Variants in RBFOX1 observed in about 807,000 individuals in gnomAD.
RBFOX1 encodes RNA binding fox-1 homolog 1.
RBFOX1 carries 8 observed loss-of-function variants against 57.7 expected under a neutral mutation model. That is an observed-to-expected ratio of 0.14 (90% CI 0.08 to 0.25). RBFOX1 has a LOEUF of 0.25. Ranked by LOEUF, RBFOX1 falls within the 10% of genes least tolerant of loss-of-function variation. The pLI, the probability that RBFOX1 is intolerant of heterozygous loss-of-function variation, is 1.00. For missense variants in RBFOX1, 611 were observed against 548.5 expected, an observed-to-expected ratio of 1.11 and a Z score of -1.14; for synonymous variants, 326 against 222.4, an observed-to-expected ratio of 1.47 and a Z score of -4.15.
intron 3 of RBFOX1, among the ~76,000 whole-genome samples, chr16:6,820,206 C>G (rs777623174): frequency 6.6e-6 from 1 of 152,192 alleles, no homozygotes; most frequent in Non-Finnish European, 1.5e-5. Flanking sequence ...GATTGTGAGG[C>G]CTCCCCAGCC....
chr16:5,924,005 G>C (rs2058890878), intron 4 of RBFOX1, among the ~76,000 whole-genome samples: 1 of 152,156 alleles, frequency 6.6e-6, no homozygotes. Context: ...CAATGTGGAG[G>C]TAATTGGCTC....
At position 6,457,899 on chromosome 16, in the gene RBFOX1, G is replaced by A. The variant is rs988143544; in HGVS notation, c.-64+140842G>A. 6.6e-5 allele frequency among the ~76,000 whole-genome samples: 10 copies of A among 152,240 alleles called. No homozygotes were observed. In the East Asian group the frequency reaches 1.9e-3, roughly 29 times the overall value. ...GCAATTCAGTTTACAGATAGTTCTG[G>A]GGCAAAGTGAGAAGAAGCCCAGTGT... On this transcript the variant is annotated intron_variant, in intron 2 of 15. Transcript: ENST00000550418.
At chr16:6,303,330 A>G (rs932772602) in intron 1 of RBFOX1, among the ~76,000 whole-genome samples, 3 of 142,384 alleles carry the variant, frequency 2.1e-5, no homozygotes, top group South Asian at 2.3e-4. Context: ...TACGTATTAA[A>G]TAGATTTTTT....
intron 3 of RBFOX1, among the ~76,000 whole-genome samples, chr16:6,823,437 A>G (rs1417003979): frequency 1.3e-5 from 2 of 151,860 alleles, no homozygotes; most frequent in Non-Finnish European, 2.9e-5. Context: ...TTGTATTTTT[A>G]ATAGAGATGG....
intron 4 of RBFOX1, among the ~76,000 whole-genome samples, chr16:7,397,488 C>T (rs760608752): frequency 9.2e-5 from 14 of 152,246 alleles, no homozygotes; most frequent in Non-Finnish European, 1.8e-4. Flanking sequence ...CATAGATCCA[C>T]ATAAAAATGA....
intron 3 of RBFOX1, among the ~76,000 whole-genome samples, chr16:6,702,002 A>G (rs539763100): frequency 1.3e-5 from 2 of 152,260 alleles, no homozygotes; most frequent in South Asian, 4.1e-4. Flanking sequence ...TACTATGCTT[A>G]TTACCTGGGT....
At chr16:6,755,669 C>T (rs567560180) in intron 3 of RBFOX1, among the ~76,000 whole-genome samples, 2 of 152,116 alleles carry the variant, frequency 1.3e-5, no homozygotes, top group African/African-American at 2.4e-5. Context: ...AACTTTTAAT[C>T]ACTTTGCTAT....
intron 4 of RBFOX1, among the ~76,000 whole-genome samples, chr16:7,304,005 T>A (rs1001441400): frequency 6.6e-6 from 1 of 150,936 alleles, no homozygotes; most frequent in African/African-American, 2.4e-5. Context: ...TTCCGGGGGA[T>A]CAAAAAGCAG....
At chr16:6,609,748 G>A (rs1279519164) in intron 2 of RBFOX1, among the ~76,000 whole-genome samples, 2 of 152,066 alleles carry the variant, frequency 1.3e-5, no homozygotes, top group East Asian at 3.9e-4. Context: ...GGTGAATCAG[G>A]CCTGTAATGC....
At chr16:6,866,541 A>ATTTTTTTTTTT (rs56678526) in intron 3 of RBFOX1, among the ~76,000 whole-genome samples, 7,067 of 78,576 alleles carry the variant, frequency 0.09, 1,453 homozygotes, top group East Asian at 0.22. Flanking sequence ...CTTTCCTTCT[A>ATTTTTTTTTTT]TTTTTTTTTT....
At chr16:5,982,019 T>C (rs12927148) in intron 4 of RBFOX1, among the ~76,000 whole-genome samples, 40,725 of 152,104 alleles carry the variant, frequency 0.27, 5,737 homozygotes, top group South Asian at 0.32. Context: ...AAGGAGTCTA[T>C]GCAGATTGAG....
At chr16:7,491,555 A>G (rs1250909889) in intron 4 of RBFOX1, among the ~76,000 whole-genome samples, 1 of 151,606 alleles carries the variant, frequency 6.6e-6, no homozygotes, top group Non-Finnish European at 1.5e-5. Flanking sequence ...GAGTCAAGGC[A>G]ATCTTTTGAA....
At chr16:5,856,220 T>TATATATACAC (rs2057043947) in intron 3 of RBFOX1, among the ~76,000 whole-genome samples, 1 of 31,306 alleles carries the variant, frequency 3.2e-5, no homozygotes, top group Non-Finnish European at 7.4e-5. Flanking sequence ...TATATATGTA[T>TATATATACAC]ATATATATGT....
intron 4 of RBFOX1, among the ~76,000 whole-genome samples, chr16:7,451,226 T>C (rs923113642): frequency 1.3e-5 from 2 of 152,216 alleles, no homozygotes; most frequent in Admixed American, 6.5e-5. Flanking sequence ...GGACCTGATA[T>C]AATCATATAA....
In RBFOX1 at chr16:7,698,216, A is replaced by G. The variant is rs373428085; in HGVS notation, c.996-10840A>G. On this transcript the variant is annotated intron_variant, in intron 14 of 15. Transcript: ENST00000550418. ...TGTGTGTGTGTGTGTGTGTGTGTGTATAAAGGGGGTAGGTGGAGGCTGGGA... is the reference window on the plus strand; with the variant it reads ...TGTGTGTGTGTGTGTGTGTGTGTGTGTAAAGGGGGTAGGTGGAGGCTGGGA... 4.9e-4 allele frequency among the ~76,000 whole-genome samples: 56 copies of G among 115,156 alleles called. 2 individuals carry two copies. The highest frequency in any genetic ancestry group is 2.8e-4 in the South Asian group (1 of 3,576). 75.5% of individuals were successfully genotyped at this position (115,156 alleles called of 152,430 possible). A position where few individuals can be genotyped will look rare whatever the true frequency, so the allele number is the denominator to read the frequency against.
intron 3 of RBFOX1, among the ~76,000 whole-genome samples, chr16:5,797,601 C>T (rs917869461): frequency 1.3e-5 from 2 of 152,200 alleles, no homozygotes; most frequent in African/African-American, 2.4e-5. Context: ...GACAATCCTA[C>T]ATCCAGTTAA....
intron 1 of RBFOX1, among the ~76,000 whole-genome samples, chr16:6,103,217 G>C (rs372300892): frequency 6.6e-6 from 1 of 152,174 alleles, no homozygotes; most frequent in Admixed American, 6.5e-5. Context: ...CTTGGGGTCT[G>C]AACCCTGTGG....
At chr16:6,810,131 A>G (rs1248977190) in intron 3 of RBFOX1, among the ~76,000 whole-genome samples, 3 of 151,856 alleles carry the variant, frequency 2.0e-5, no homozygotes, top group African/African-American at 7.3e-5. Flanking sequence ...ACCAACAAAT[A>G]TGCCTCTTAT....
At chr16:7,473,943 A>C (rs1020542556) in intron 4 of RBFOX1, among the ~76,000 whole-genome samples, 7 of 152,118 alleles carry the variant, frequency 4.6e-5, no homozygotes, top group Admixed American at 2.6e-4. Flanking sequence ...CTACCTATTA[A>C]CTGGCAAGCA....
Sources: gnomAD v4.1 joint callset for allele counts (sites outside exome capture counted in the v4.1 genomes callset) on GRCh38, gnomAD v4.1.1 for gene constraint, MANE v1.5 for transcripts, NCBI Gene and HGNC (gene_info 2026-07-23, HGNC 2026-07-21) for gene names.